Variants in PSMG2 observed in about 807,000 individuals in gnomAD.
PSMG2 encodes the protein proteasome assembly chaperone 2, also known as CD40 ligand-activated specific transcript 3.
In PSMG2, 21 loss-of-function variants were observed where a neutral mutation model predicts 31.5. That is an observed-to-expected ratio of 0.67 (90% CI 0.47 to 0.96). The LOEUF is 0.96. Among genes scored for constraint, PSMG2 ranks in the 40% least tolerant of loss-of-function variants. PSMG2 has a pLI of 0.00. For synonymous variants in PSMG2, 120 were observed against 110.4 expected (o/e 1.09, Z -0.54); for missense variants, 318 against 321.2 (o/e 0.99, Z 0.08).
intron 2 of PSMG2, among the ~76,000 whole-genome samples, chr18:12,711,293 A>G (rs900367543): frequency 6.6e-6 from 1 of 152,088 alleles, no homozygotes; most frequent in Non-Finnish European, 1.5e-5. Flanking sequence ...ATTGTATGAT[A>G]CGCTGATGAG....
chr18:12,682,378 A>C (rs1282185037), intron 1 of PSMG2, among the ~76,000 whole-genome samples: 1 of 152,016 alleles, frequency 6.6e-6, no homozygotes, highest in Non-Finnish European at 1.5e-5. Flanking sequence ...TTGTAGAGAC[A>C]AGGTTTCACC....
At chr18:12,699,423 C>A (rs2040074371), upstream of PSMG2, among the ~76,000 whole-genome samples, 1 of 152,156 alleles carries the variant, frequency 6.6e-6, no homozygotes, top group Non-Finnish European at 1.5e-5. Flanking sequence ...TACATCCAGG[C>A]TACTTTCTCC....
upstream of PSMG2, chr18:12,702,824 C>T: frequency 1.8e-6 from 1 of 561,744 alleles, no homozygotes; most frequent in Non-Finnish European, 3.1e-6. Flanking sequence ...GCCCGCCGCT[C>T]CACCTCCCCG....
chr18:12,708,700 C>CTT (rs71371298), intron 2 of PSMG2, among the ~76,000 whole-genome samples: 1,337 of 88,574 alleles, frequency 0.015, 34 homozygotes, highest in African/African-American at 0.031. Flanking sequence ...TTACAACGTT[C>CTT]TTTTTTTTTT....
intron 1 of PSMG2, chr18:12,671,212 G>A (rs183298956): frequency 1.1e-4 from 17 of 152,226 alleles, no homozygotes; most frequent in African/African-American, 3.9e-4. Context: ...CAAAAGTGCT[G>A]GGATTATAGG....
chr18:12,690,862 A>C (rs2039728965), intron 1 of PSMG2, among the ~76,000 whole-genome samples: 1 of 152,094 alleles, frequency 6.6e-6, no homozygotes, highest in Non-Finnish European at 1.5e-5. Context: ...GTTAAACATT[A>C]CTGGTCACTG....
chr18:12,705,850 A>G (rs2040263584), intron 1 of PSMG2, among the ~76,000 whole-genome samples: 2 of 152,094 alleles, frequency 1.3e-5, no homozygotes, highest in South Asian at 4.1e-4. Flanking sequence ...GCAATCAACC[A>G]TGTACACACA....
At chr18:12,701,632 A>G (rs980365760), upstream of PSMG2, among the ~76,000 whole-genome samples, 1 of 152,308 alleles carries the variant, frequency 6.6e-6, no homozygotes. Flanking sequence ...AGGGCACCAT[A>G]AATGGTCGCT....
intron 1 of PSMG2, chr18:12,691,249 C>A: frequency 1.5e-6 from 1 of 665,246 alleles, no homozygotes; most frequent in Non-Finnish European, 2.3e-6. Context: ...TTTACAAATA[C>A]ACTTTTATTT....
intron 1 of PSMG2, among the ~76,000 whole-genome samples, chr18:12,664,558 C>A (rs12958317): frequency 0.79 from 119,497 of 150,460 alleles, 47,819 homozygotes; most frequent in Non-Finnish European, 0.83. Flanking sequence ...TCAAAAAAAA[C>A]AAAATTTGTA....
chr18:12,673,231 G>T, intron 1 of PSMG2: 1 of 1,422,352 alleles, frequency 7.0e-7, no homozygotes. Flanking sequence ...TACCAGTCAA[G>T]TATATACAAA....
intron 1 of PSMG2, among the ~76,000 whole-genome samples, chr18:12,681,865 G>A (rs898072787): frequency 6.6e-6 from 1 of 151,970 alleles, no homozygotes; most frequent in Non-Finnish European, 1.5e-5. Context: ...GTATGGTGGT[G>A]TGTGCCTGTA....
intron 3 of PSMG2, among the ~76,000 whole-genome samples, chr18:12,714,564 G>A (rs572617307): frequency 2.0e-5 from 3 of 150,956 alleles, no homozygotes; most frequent in South Asian, 4.2e-4. Context: ...CGTGATCTTG[G>A]CTCACTGCAA....
intron 1 of PSMG2, chr18:12,662,149 G>T: frequency 2.2e-6 from 1 of 447,900 alleles, no homozygotes; most frequent in Non-Finnish European, 4.5e-6. Context: ...CTGGACAAGT[G>T]CTCCTAAGAG....
chr18:12,665,704 T>A (rs949956872), intron 1 of PSMG2, among the ~76,000 whole-genome samples: 5 of 152,196 alleles, frequency 3.3e-5, no homozygotes, highest in African/African-American at 4.8e-5. Context: ...AATTTTTTTT[T>A]AATTTTTTTT....
chr18:12,724,845 T>C (rs1285212544), intron 6 of PSMG2: 9 of 442,404 alleles, frequency 2.0e-5, no homozygotes, highest in Admixed American at 1.3e-4. Context: ...AGGAAAATCC[T>C]TAGTTCTTCA....
At chr18:12,690,479 G>A (rs547030067) in intron 1 of PSMG2, among the ~76,000 whole-genome samples, 223 of 150,248 alleles carry the variant, frequency 1.5e-3, no homozygotes, top group Admixed American at 2.5e-3. Context: ...TTTTTGAGAC[G>A]GAGTCTTGCT....
intron 3 of PSMG2, among the ~76,000 whole-genome samples, chr18:12,716,006 T>TTA (rs1173436382): frequency 4.6e-5 from 7 of 152,348 alleles, no homozygotes; most frequent in African/African-American, 1.7e-4. Context: ...TGGTATATAC[T>TTA]TACAGCATCT....
At chr18:12,723,292 G>A (rs2040447672) in intron 5 of PSMG2, among the ~76,000 whole-genome samples, 2 of 152,124 alleles carry the variant, frequency 1.3e-5, no homozygotes, top group South Asian at 4.1e-4. Context: ...TTATTGGCAA[G>A]CAGGAAACTT....
Sources: allele counts gnomAD v4.1 joint callset (sites outside exome capture counted in the v4.1 genomes callset), GRCh38; gene constraint gnomAD v4.1.1; transcripts MANE v1.5; gene names NCBI Gene and HGNC (gene_info 2026-07-23, HGNC 2026-07-21).